Variants in ADAMTSL3 observed in about 807,000 individuals in gnomAD.
The protein encoded by ADAMTSL3 is ADAMTS like 3, also known as ADAMTS-like protein 3.
Under a neutral mutation model 201.7 loss-of-function variants are expected in ADAMTSL3, and 128 were observed. The observed-to-expected ratio is 0.63, with a 90% confidence interval of 0.55 to 0.73. The LOEUF is 0.73. Ranked by LOEUF, ADAMTSL3 falls within the 30% of genes least tolerant of loss-of-function variation. ADAMTSL3 has a pLI of 0.00. For missense variants in ADAMTSL3, 1,990 were observed against 2,119.6 expected (o/e 0.94, Z 1.20); for synonymous variants, 738 against 748.4 (o/e 0.99, Z 0.23).
At chr15:83,895,122 G>C (rs1030579943) in intron 13 of ADAMTSL3, among the ~76,000 whole-genome samples, 1 of 152,184 alleles carries the variant, frequency 6.6e-6, no homozygotes, top group Non-Finnish European at 1.5e-5. Flanking sequence ...TTTTAGCAAG[G>C]TCGGTTTGTT....
chr15:83,708,290 G>A (rs2585047), intron 3 of ADAMTSL3, among the ~76,000 whole-genome samples: 30,324 of 152,204 alleles, frequency 0.2, 3,950 homozygotes, highest in Middle Eastern at 0.37. Context: ...TGGATGGTGT[G>A]TAGATATTTG....
At chr15:84,015,561 T>C (rs2068075414) in intron 24 of ADAMTSL3, among the ~76,000 whole-genome samples, 1 of 152,062 alleles carries the variant, frequency 6.6e-6, no homozygotes. Context: ...TCATAAAGAG[T>C]TTGAACTAGT....
At chr15:83,745,978 G>T (rs879556410) in intron 3 of ADAMTSL3, among the ~76,000 whole-genome samples, 19 of 152,214 alleles carry the variant, frequency 1.2e-4, no homozygotes, top group Non-Finnish European at 2.6e-4. Context: ...GTCAGCTGCA[G>T]GGAACATAAT....
At chr15:83,850,101 GA>G (rs34734300) in intron 7 of ADAMTSL3, among the ~76,000 whole-genome samples, 10 of 150,438 alleles carry the variant, frequency 6.6e-5, no homozygotes, top group Non-Finnish European at 1.0e-4. Context: ...AGGAAGATTA[GA>G]AAAAAAAAAT....
chr15:83,771,287 TA>T (rs1474395168), intron 3 of ADAMTSL3, among the ~76,000 whole-genome samples: 1 of 148,388 alleles, frequency 6.7e-6, no homozygotes, highest in African/African-American at 2.5e-5. Flanking sequence ...TAATTGTGTT[TA>T]AAAAAACTTG....
intron 17 of ADAMTSL3, among the ~76,000 whole-genome samples, chr15:83,925,082 C>T (rs919807327): frequency 1.3e-5 from 2 of 152,172 alleles, no homozygotes; most frequent in Non-Finnish European, 1.5e-5. Flanking sequence ...TAATTCCATG[C>T]AATCTGTTGG....
intron 19 of ADAMTSL3, among the ~76,000 whole-genome samples, chr15:83,954,009 G>C (rs1194181962): frequency 1.3e-5 from 2 of 152,142 alleles, no homozygotes; most frequent in Non-Finnish European, 2.9e-5. Context: ...CCTTGAGGTA[G>C]TCCTCTTTGC....
chr15:83,839,415 C>A (rs915785034), intron 7 of ADAMTSL3, among the ~76,000 whole-genome samples: 1 of 152,076 alleles, frequency 6.6e-6, no homozygotes, highest in Non-Finnish European at 1.5e-5. Context: ...TAAGACAGAA[C>A]GGCATTTGGA....
chr15:83,815,031 T>C (rs766522424), intron 5 of ADAMTSL3, among the ~76,000 whole-genome samples: 73 of 152,330 alleles, frequency 4.8e-4, no homozygotes, highest in Non-Finnish European at 7.8e-4. Context: ...TTGTCATTTG[T>C]TGGCTGTGGC....
At chr15:83,729,776 T>C (rs974665683) in intron 3 of ADAMTSL3, among the ~76,000 whole-genome samples, 13 of 152,082 alleles carry the variant, frequency 8.5e-5, no homozygotes, top group African/African-American at 2.9e-4. Flanking sequence ...ATACTTTGTT[T>C]GGTAAGGTCC....
intron 2 of ADAMTSL3, among the ~76,000 whole-genome samples, chr15:83,693,303 G>C (rs2061637818): frequency 6.6e-6 from 1 of 152,220 alleles, no homozygotes; most frequent in African/African-American, 2.4e-5. Flanking sequence ...GCATGGCCAG[G>C]AGAACAGCCA....
At chr15:83,916,173 G>A (rs2066029140) in intron 16 of ADAMTSL3, among the ~76,000 whole-genome samples, 2 of 152,172 alleles carry the variant, frequency 1.3e-5, no homozygotes, top group Admixed American at 1.3e-4. Flanking sequence ...ATTCAGGTGG[G>A]TGATGTTAAG....
At chr15:83,923,455 T>A (rs2066184890) in intron 16 of ADAMTSL3, among the ~76,000 whole-genome samples, 2 of 152,218 alleles carry the variant, frequency 1.3e-5, no homozygotes, top group Non-Finnish European at 2.9e-5. Flanking sequence ...TCTGCCAGAT[T>A]TAGCACATAT....
intron 26 of ADAMTSL3, among the ~76,000 whole-genome samples, chr15:84,022,277 C>T (rs534619675): frequency 6.6e-6 from 1 of 152,176 alleles, no homozygotes; most frequent in South Asian, 2.1e-4. Context: ...TTCTTATCTC[C>T]CTCTCTGGAG....
chr15:83,958,779 A>C (rs892593997), intron 19 of ADAMTSL3, among the ~76,000 whole-genome samples: 4 of 152,146 alleles, frequency 2.6e-5, no homozygotes, highest in Non-Finnish European at 5.9e-5. Context: ...GAGATGAATA[A>C]ATAACAGGAG....
At chr15:83,920,738 A>G (rs17158531) in intron 16 of ADAMTSL3, among the ~76,000 whole-genome samples, 2,340 of 152,318 alleles carry the variant, frequency 0.015, 61 homozygotes, top group African/African-American at 0.05. Context: ...AGGTTTAGGT[A>G]TCATCAGGTT....
intron 8 of ADAMTSL3, among the ~76,000 whole-genome samples, chr15:83,869,467 G>A (rs2065040944): frequency 6.6e-6 from 1 of 152,136 alleles, no homozygotes; most frequent in Admixed American, 6.6e-5. Context: ...GACTCCTCCA[G>A]ATCAAGTAGC....
intron 2 of ADAMTSL3, among the ~76,000 whole-genome samples, chr15:83,675,857 A>T (rs1596008317): frequency 6.6e-6 from 1 of 152,056 alleles, no homozygotes; most frequent in East Asian, 1.9e-4. Context: ...GTCTATTTCA[A>T]ATTGTTGAAT....
chr15:83,785,817 C>T (rs1291553631), intron 4 of ADAMTSL3, among the ~76,000 whole-genome samples: 5 of 150,390 alleles, frequency 3.3e-5, no homozygotes, highest in African/African-American at 9.8e-5. Flanking sequence ...TTTCTGTGCA[C>T]GTAGGGGTGA....
Sources: gnomAD v4.1 joint callset for allele counts (sites outside exome capture counted in the v4.1 genomes callset) on GRCh38, gnomAD v4.1.1 for gene constraint, MANE v1.5 for transcripts, NCBI Gene and HGNC (gene_info 2026-07-23, HGNC 2026-07-21) for gene names.